Variants in WDR20 observed in about 807,000 individuals in gnomAD.
WDR20 encodes WD repeat domain 20, also known as WD repeat-containing protein 20.
A neutral mutation model predicts 38.7 loss-of-function variants in WDR20; 3 were observed. That is an observed-to-expected ratio of 0.08 (90% CI 0.04 to 0.20). The LOEUF (loss-of-function observed/expected upper bound fraction) is 0.20. WDR20 is among the 10% of genes least tolerant of loss of function. WDR20 has a pLI of 1.00. For synonymous variants in WDR20, 298 were observed against 285.6 expected, an observed-to-expected ratio of 1.04 and a Z score of -0.44; for missense variants, 559 against 727.7, an observed-to-expected ratio of 0.77 and a Z score of 2.67.
chr14:102,176,710 T>C (rs923521805), intron 1 of WDR20, among the ~76,000 whole-genome samples: 2 of 152,040 alleles, frequency 1.3e-5, no homozygotes, highest in African/African-American at 4.8e-5. Context: ...TCTCTATCTT[T>C]TGTAATAGTT....
chr14:102,210,803 T>G (rs2062401068), downstream of WDR20, among the ~76,000 whole-genome samples: 1 of 152,124 alleles, frequency 6.6e-6, no homozygotes, highest in Non-Finnish European at 1.5e-5. Flanking sequence ...GCGCTTTGTT[T>G]CGTAAAGCCT....
At chr14:102,146,152 TTTTGTTTG>T (rs58505129) in intron 1 of WDR20, among the ~76,000 whole-genome samples, 13 of 151,826 alleles carry the variant, frequency 8.6e-5, no homozygotes, top group East Asian at 1.9e-4. Context: ...GGAAGAGTTT[TTTTGTTTG>T]TTTGTTTGTT....
intron 1 of WDR20, among the ~76,000 whole-genome samples, chr14:102,165,304 A>T (rs2152797590): frequency 6.6e-6 from 1 of 152,204 alleles, no homozygotes; most frequent in Admixed American, 6.5e-5. Context: ...TCACCCCTTC[A>T]TTCATATTTT....
intron 2 of WDR20, among the ~76,000 whole-genome samples, chr14:102,195,488 A>G (rs1180812769): frequency 2.0e-5 from 3 of 152,246 alleles, no homozygotes; most frequent in Non-Finnish European, 4.4e-5. Flanking sequence ...AAAGAACTTG[A>G]TGACATTTCC....
At position 102,209,432 on chromosome 14, in the gene WDR20, C is replaced by G; in HGVS notation, c.1262C>G (p.Pro421Arg). 6.2e-7 allele frequency: 1 copy of G among 1,614,132 alleles called. No homozygotes were observed. Among genetic ancestry groups the G allele is most frequent in the Non-Finnish European group, 8.5e-7 (1 of 1,180,026 alleles). The change falls in exon 3 of 3, where the codon CCC becomes CGC. Residue 421 changes from proline to arginine, a missense_variant. Coordinates refer to ENST00000342702, the MANE Select transcript of WDR20 (RefSeq NM_144574.4). The surrounding 1 kb of genome is among the most constrained non-coding windows in gnomAD (Gnocchi z 6.0). ...AGCAATGGGAACAGTGTTACAACAC[C>G]CGGGAACTCTGTGCCGCCTCCTCTG... ...AGSNGNSVTTPGNSVPPPLPR... is the reference protein window; with the variant it reads ...AGSNGNSVTTRGNSVPPPLPR...
intron 1 of WDR20, among the ~76,000 whole-genome samples, chr14:102,193,255 T>C (rs2058836106): frequency 6.6e-6 from 1 of 152,074 alleles, no homozygotes; most frequent in African/African-American, 2.4e-5. Context: ...TCAGACAGCC[T>C]GTCCGTGGCC....
At chr14:102,166,384 C>G (rs1407444504) in intron 1 of WDR20, among the ~76,000 whole-genome samples, 1 of 152,080 alleles carries the variant, frequency 6.6e-6, no homozygotes, top group Non-Finnish European at 1.5e-5. Context: ...TTAAACCATT[C>G]CATATCTTTT....
chr14:102,189,219 A>AATC (rs1251247985), intron 1 of WDR20, among the ~76,000 whole-genome samples: 1 of 152,162 alleles, frequency 6.6e-6, no homozygotes, highest in Non-Finnish European at 1.5e-5. Context: ...CAATAATAAT[A>AATC]ATAGTAATGA....
rs976898510 is a variant in WDR20, at chr14:102,209,974, T to C, written c.*94T>C. 2 of 1,490,774 alleles carry C rather than the reference T, an allele frequency of 1.3e-6. No individual in the cohort carries two copies. Among genetic ancestry groups the C allele is most frequent in the African/African-American group, 1.4e-5 (1 of 71,502 alleles). The allele number at this position is 1,490,774 out of a possible 1,614,324, so 92.3% of individuals were successfully genotyped here. ...CAATGAATGTGAATGACACTTCTTA[T>C]TCTTAATGTAAATCTCAATGCATCA... On this transcript the variant is annotated 3_prime_UTR_variant, in exon 3 of 3. Coordinates refer to ENST00000342702, the MANE Select transcript of WDR20 (RefSeq NM_144574.4). This position sits in a 1 kb window ranked among gnomAD's most constrained non-coding sequence, Gnocchi z 6.0.
intron 1 of WDR20, among the ~76,000 whole-genome samples, chr14:102,173,470 A>G (rs979060378): frequency 3.0e-5 from 4 of 131,690 alleles, no homozygotes; most frequent in Non-Finnish European, 3.2e-5. Context: ...TATTATTATT[A>G]TTATTATTAT....
intron 1 of WDR20, among the ~76,000 whole-genome samples, chr14:102,153,553 G>A (rs940176728): frequency 8.6e-5 from 13 of 151,956 alleles, no homozygotes; most frequent in Non-Finnish European, 1.5e-4. Context: ...TGATCTGCCC[G>A]CCTCAGCCTC....
intron 2 of WDR20, among the ~76,000 whole-genome samples, chr14:102,200,983 G>T (rs2060289655): frequency 6.6e-6 from 1 of 152,230 alleles, no homozygotes; most frequent in African/African-American, 2.4e-5. Flanking sequence ...AAGCTTAGCA[G>T]TGTTCTGTCT....
chr14:102,191,351 G>A (rs2066356183), intron 1 of WDR20: 2 of 152,246 alleles, frequency 1.3e-5, no homozygotes, highest in Admixed American at 6.5e-5. Flanking sequence ...GGCTTGGGTG[G>A]TTACTCCTGC....
At chr14:102,224,654 G>T (rs775625292), downstream of WDR20, 39 of 456,022 alleles carry the variant, frequency 8.6e-5, no homozygotes, top group South Asian at 5.4e-4. Context: ...TGCAGCCACG[G>T]AAAACTTCAC....
chr14:102,151,467 C>T (rs1020389749), intron 1 of WDR20, among the ~76,000 whole-genome samples: 6 of 151,998 alleles, frequency 3.9e-5, no homozygotes, highest in Admixed American at 1.3e-4. Context: ...TCAATCATAG[C>T]TCACTGCAGC....
At chr14:102,157,116 T>G (rs2057604801) in intron 1 of WDR20, 1 of 151,750 alleles carries the variant, frequency 6.6e-6, no homozygotes, top group South Asian at 2.1e-4. Flanking sequence ...TTTTTAAAAA[T>G]TATCGGGCAT....
At position 102,209,500 on chromosome 14, in the gene WDR20, G is replaced by A; in HGVS notation, c.1330G>A (p.Gly444Ser). The A allele has an allele frequency of 1.2e-6, 2 of 1,614,180 alleles. No individual in the cohort carries two copies. Among genetic ancestry groups the A allele is most frequent in the South Asian group, 1.1e-5 (1 of 91,078 alleles). The change falls in exon 3 of 3, where the codon GGC becomes AGC. Residue 444 changes from glycine to serine, a missense_variant. Physicochemically the swap from Gly to Ser is moderately conservative, Grantham distance 56. Transcript: ENST00000342702. The surrounding 1 kb of genome is among the most constrained non-coding windows in gnomAD (Gnocchi z 6.0). ...SLPHSAVSNA[G>S]SKSSVMDGAI... is the part of the protein sequence containing the mutation. ...TCCACATTCAGCAGTCTCAAATGCT[G>A]GCAGCAAAAGCAGTGTCATGGACGG...
chr14:102,160,865 G>A (rs1444220886), intron 1 of WDR20, among the ~76,000 whole-genome samples: 4 of 145,036 alleles, frequency 2.8e-5, no homozygotes, highest in African/African-American at 7.6e-5. Flanking sequence ...GGAGAATGGC[G>A]TGAACCCAGC....
chr14:102,176,185 G>A (rs1338804853), intron 1 of WDR20, among the ~76,000 whole-genome samples: 1 of 151,966 alleles, frequency 6.6e-6, no homozygotes, highest in African/African-American at 2.4e-5. Context: ...ACGAGGTCAG[G>A]AGATCGAGAA....
Sources: allele counts gnomAD v4.1 joint callset (sites outside exome capture counted in the v4.1 genomes callset), GRCh38; gene constraint gnomAD v4.1.1; non-coding constraint Gnocchi (gnomAD v3.1); transcripts MANE v1.5; gene names NCBI Gene and HGNC (gene_info 2026-07-23, HGNC 2026-07-21).